Variants in CD55 observed in about 807,000 individuals in gnomAD.
The protein encoded by CD55 is CD55 molecule (Cromer blood group), also known as complement decay-accelerating factor.
CD55 carries 41 observed loss-of-function variants against 45.8 expected under a neutral mutation model. The observed-to-expected ratio is 0.90, with a 90% CI of 0.70 to 1.16. The LOEUF (loss-of-function observed/expected upper bound fraction) is 1.16. Ranked by LOEUF, CD55 falls within the 50% of genes most tolerant of loss-of-function variation. CD55 has a pLI of 0.00. For missense variants in CD55, 416 were observed against 469.8 expected (o/e 0.89, Z 1.06); for synonymous variants, 181 against 181.1 (o/e 1.00, Z 0.01).
intron 9 of CD55, 78 bp from the exon 10 acceptor site, chr1:207,359,468 C>T: frequency 7.3e-7 from 1 of 1,362,282 alleles, no homozygotes; most frequent in Non-Finnish European, 9.7e-7. Flanking sequence ...CACATAGTAA[C>T]TAAAAATTTA....
At chr1:207,325,298 G>A (rs770072488) in intron 3 of CD55, among the ~76,000 whole-genome samples, 4 of 145,542 alleles carry the variant, frequency 2.7e-5, no homozygotes, top group Non-Finnish European at 4.5e-5. Context: ...TTATGTCACC[G>A]CGCTCCAGCC....
chr1:207,342,507 T>G lies in CD55; in HGVS notation c.1081+3090T>G, dbSNP rs139336620. Among the ~76,000 whole-genome samples the G allele has an allele frequency of 9.9e-5, 15 of 152,284 alleles. No homozygotes were observed. The East Asian group carries it at 2.9e-3, about 29-fold the overall frequency. On this transcript the variant is annotated intron_variant, in intron 9 of 9. Transcript: ENST00000367064. ...TAGTTTGTTGAGAGTTTTATTGATT[T>G]CTATGTGTTGAATCATCCTTGCATC...
At position 207,350,194 on chromosome 1, in the gene CD55, A is replaced by T. The variant is rs113903645; in HGVS notation, c.1082-9352A>T. 1,089 of 436,666 alleles carry T rather than the reference A, an allele frequency of 2.5e-3. 10 individuals are homozygous for T. Among genetic ancestry groups the T allele is most frequent in the African/African-American group, 0.018 (896 of 49,004 alleles). 27.0% of individuals were successfully genotyped at this position (436,666 alleles called of 1,614,324 possible). Reference sequence around the variant, plus strand: ...TTTGGATATGTTGAGCCAACCTTGCATCCCAGGAATAAAGCCTACTTGATC... The same window carrying T: ...TTTGGATATGTTGAGCCAACCTTGCTTCCCAGGAATAAAGCCTACTTGATC... On this transcript the variant is annotated intron_variant, in intron 9 of 9. Transcript: ENST00000367064.
At chr1:207,331,354 G>A in intron 6 of CD55, 58 bp downstream of exon 6, 1 of 1,347,078 alleles carries the variant, frequency 7.4e-7, no homozygotes, top group Non-Finnish European at 1.0e-6. Flanking sequence ...TCTATATGTG[G>A]GTTGCAGACA....
intron 6 of CD55, among the ~76,000 whole-genome samples, chr1:207,333,261 G>A (rs12133548): frequency 0.69 from 105,298 of 152,098 alleles, 36,915 homozygotes; most frequent in Middle Eastern, 0.83. Flanking sequence ...AGGACATTAG[G>A]TGGCTGGGAG....
rs1467562380 is a variant in CD55 at position 207,324,642 on chromosome 1, G to C, written c.370G>C (p.Val124Leu). The change falls in exon 3 of 10, where the codon GTT (valine) becomes CTT (leucine). Residue 124 changes from valine to leucine, a missense_variant. By Grantham distance (32) the Val-to-Leu change is conservative (BLOSUM62 1). Transcript: ENST00000367064. Reference protein sequence around the residue: ...ITQNYFPVGTVVEYECRPGYR... With the variant: ...ITQNYFPVGTLVEYECRPGYR... Reference sequence around the variant, plus strand: ...TCAGAATTATTTTCCAGTCGGTACTGTTGTGGAATATGAGTGCCGTCCAGG... The same window carrying C: ...TCAGAATTATTTTCCAGTCGGTACTCTTGTGGAATATGAGTGCCGTCCAGG... 6.2e-7 allele frequency: 1 copy of C among 1,612,768 alleles called. No homozygotes were observed. Among genetic ancestry groups the C allele is most frequent in the East Asian group, 2.2e-5 (1 of 44,862 alleles).
chr1:207,323,056 A>C (rs555493310), intron 2 of CD55, among the ~76,000 whole-genome samples: 1 of 152,056 alleles, frequency 6.6e-6, no homozygotes, highest in Non-Finnish European at 1.5e-5. Flanking sequence ...AATCAGGGTA[A>C]TTGGATAGCC....
At chr1:207,351,151 A>G (rs28739013) in intron 9 of CD55, among the ~76,000 whole-genome samples, 518 of 152,242 alleles carry the variant, frequency 3.4e-3, no homozygotes, top group African/African-American at 9.1e-3. Context: ...ATGTTATTGT[A>G]TAGTTTTAAG....
At chr1:207,330,041 C>G (rs557214477) in intron 5 of CD55, among the ~76,000 whole-genome samples, 1 of 15,538 alleles carries the variant, frequency 6.4e-5, no homozygotes, top group South Asian at 1.1e-3. Flanking sequence ...AATCTTTTTT[C>G]CCACTAGCTT....
intron 6 of CD55, among the ~76,000 whole-genome samples, chr1:207,333,690 G>C (rs1230034253): frequency 1.3e-5 from 2 of 152,130 alleles, no homozygotes; most frequent in Admixed American, 6.5e-5. Flanking sequence ...ACTTCAGTTG[G>C]AATCTGCAAA....
intron 2 of CD55, among the ~76,000 whole-genome samples, chr1:207,323,566 C>G (rs1200773562): frequency 6.6e-6 from 1 of 151,972 alleles, no homozygotes. Context: ...TTACATAGCC[C>G]TGTATTAGCT....
At chr1:207,332,399 G>A (rs539754327) in intron 6 of CD55, among the ~76,000 whole-genome samples, 1 of 152,104 alleles carries the variant, frequency 6.6e-6, no homozygotes, top group African/African-American at 2.4e-5. Flanking sequence ...ATTCCTTGTA[G>A]TATAATTATT....
chr1:207,350,747 T>C (rs764341521), intron 9 of CD55, among the ~76,000 whole-genome samples: 81 of 152,270 alleles, frequency 5.3e-4, no homozygotes, highest in Admixed American at 1.7e-3. Flanking sequence ...TTCTCTCTCT[T>C]TATTAATCTA....
rs28371610 is a variant in CD55, at chr1:207,330,637, C to T, written c.665-471C>T. Among the ~76,000 whole-genome samples, 1,015 of 152,244 alleles carry T rather than the reference C, an allele frequency of 6.7e-3. 9 individuals are homozygous for T. The highest frequency in any genetic ancestry group is 0.021 in the African/African-American group (881 of 41,532). On this transcript the variant is annotated intron_variant, in intron 5 of 9. Coordinates refer to ENST00000367064, the MANE Select transcript of CD55 (RefSeq NM_000574.5). ...TGCTGCTTGAATTTTCAACTCCTTGCATTTGCTAGCGTTTCCCTCTTAGAG... is the reference window on the plus strand; with the variant it reads ...TGCTGCTTGAATTTTCAACTCCTTGTATTTGCTAGCGTTTCCCTCTTAGAG...
chr1:207,347,959 C>T (rs1234360566), intron 9 of CD55, among the ~76,000 whole-genome samples: 1 of 152,214 alleles, frequency 6.6e-6, no homozygotes, highest in Non-Finnish European at 1.5e-5. Context: ...ATATATACCA[C>T]ATTTTCTTTA....
Position 207,359,640 on chromosome 1 carries a change from C to G in CD55, c.*30C>G. ...AGAAGAGTTAAGAAGAAAATACACACAAGTATACAGACTGTTCCTAGTTTC... is the reference window on the plus strand; with the variant it reads ...AGAAGAGTTAAGAAGAAAATACACAGAAGTATACAGACTGTTCCTAGTTTC... On this transcript the variant is annotated 3_prime_UTR_variant, in exon 10 of 10. Coordinates refer to ENST00000367064, the MANE Select transcript of CD55 (RefSeq NM_000574.5). 6.4e-7 allele frequency: 1 copy of G among 1,568,276 alleles called. No homozygotes were observed. Among genetic ancestry groups the G allele is most frequent in the Non-Finnish European group, 8.6e-7 (1 of 1,163,896 alleles).
chr1:207,351,794 T>C (rs1199224914), intron 9 of CD55, among the ~76,000 whole-genome samples: 2 of 152,172 alleles, frequency 1.3e-5, no homozygotes, highest in Non-Finnish European at 2.9e-5. Flanking sequence ...TGCCTTTTTT[T>C]CCTGAAATTC....
At chr1:207,323,307 A>G (rs1038879365) in intron 2 of CD55, among the ~76,000 whole-genome samples, 6 of 151,658 alleles carry the variant, frequency 4.0e-5, no homozygotes, top group Non-Finnish European at 7.4e-5. Context: ...ATATATAGGG[A>G]GAGAGAGATG....
chr1:207,332,450 G>A (rs553749988), intron 6 of CD55, among the ~76,000 whole-genome samples: 1 of 152,096 alleles, frequency 6.6e-6, no homozygotes, highest in Non-Finnish European at 1.5e-5. Context: ...ATGCCCATTA[G>A]TAGCACTGCT....
Sources: allele counts gnomAD v4.1 joint callset (sites outside exome capture counted in the v4.1 genomes callset), GRCh38; gene constraint gnomAD v4.1.1; transcripts MANE v1.5; gene names NCBI Gene and HGNC (gene_info 2026-07-23, HGNC 2026-07-21).